Variants in GALNT3 observed in about 807,000 individuals in gnomAD.
GALNT3 encodes polypeptide N-acetylgalactosaminyltransferase 3.
Under a neutral mutation model 69.8 loss-of-function variants are expected in GALNT3, and 51 were observed. That is an observed-to-expected ratio of 0.73 (90% CI 0.58 to 0.92). The LOEUF (loss-of-function observed/expected upper bound fraction) is 0.92, where lower values mean the gene tolerates loss of function less well. Among genes scored for constraint, GALNT3 ranks in the 40% least tolerant of loss-of-function variants. The pLI, the probability that GALNT3 is intolerant of heterozygous loss-of-function variation, is 0.00. For missense variants in GALNT3, 711 were observed against 760.0 expected, an observed-to-expected ratio of 0.94 and a Z score of 0.76; for synonymous variants, 265 against 248.5, an observed-to-expected ratio of 1.07 and a Z score of -0.63.
rs1300823119 is a variant in GALNT3 at position 165,759,448 on chromosome 2, GAGA to G, written c.958_960del (p.Ser320del). On this transcript the variant is annotated inframe_deletion, in exon 5 of 11. Coordinates refer to ENST00000392701, the MANE Select transcript of GALNT3 (RefSeq NM_004482.4). ...CCACGGTTATGGTTACTTCCATAAGGAGAAGGTTTGTTGAATTCAAACGTGTTC... is the reference window on the plus strand; with the variant it reads ...CCACGGTTATGGTTACTTCCATAAGGAGGTTTGTTGAATTCAAACGTGTTC... 1.2e-5 allele frequency: 19 copies of G among 1,613,848 alleles called. No homozygotes were observed. Among genetic ancestry groups the G allele is most frequent in the African/African-American group, 1.3e-5 (1 of 74,902 alleles).
chr2:165,785,467 T>C (rs1456923910), intron 1 of GALNT3, among the ~76,000 whole-genome samples: 3 of 152,178 alleles, frequency 2.0e-5, no homozygotes, highest in Admixed American at 2.0e-4. Context: ...CATATACCTC[T>C]CCTAACTTTT....
At chr2:165,788,313 C>T (rs2105232420) in intron 1 of GALNT3, among the ~76,000 whole-genome samples, 2 of 133,168 alleles carry the variant, frequency 1.5e-5, no homozygotes, top group Non-Finnish European at 3.1e-5. Context: ...CAAGACATCA[C>T]CTCAAAAAAA....
chr2:165,749,255 G>A (rs113386331), intron 10 of GALNT3, among the ~76,000 whole-genome samples: 5 of 152,134 alleles, frequency 3.3e-5, no homozygotes, highest in African/African-American at 9.6e-5. Flanking sequence ...ACAATGTTCA[G>A]GTAAGAATTG....
chr2:165,760,447 G>A (rs1052065776), intron 4 of GALNT3, among the ~76,000 whole-genome samples: 2 of 152,140 alleles, frequency 1.3e-5, no homozygotes, highest in African/African-American at 4.8e-5. Flanking sequence ...GTCCTATTCT[G>A]GGCTCCCCAC....
chr2:165,770,004 T>G, intron 2 of GALNT3, 182 bp downstream of exon 2: 1 of 711,434 alleles, frequency 1.4e-6, no homozygotes, highest in Non-Finnish European at 2.4e-6. Flanking sequence ...TCACCAAGCA[T>G]AAATAGGGAT....
At chr2:165,780,404 T>C (rs932997720) in intron 1 of GALNT3, among the ~76,000 whole-genome samples, 1 of 152,200 alleles carries the variant, frequency 6.6e-6, no homozygotes, top group African/African-American at 2.4e-5. Flanking sequence ...ACTCTGACCA[T>C]AAAAACCATT....
chr2:165,794,165 C>A lies in GALNT3; in HGVS notation c.-259G>T, dbSNP rs1320419063. The stretch of plus-strand genomic sequence containing the variant: ...TAGAGCTCCTCCTCCGCCGCCGCCT[C>A]CTGCCTTCCCGCTGGGCCTCCCGCG... On this transcript the variant is annotated 5_prime_UTR_variant, in exon 1 of 11. Coordinates refer to ENST00000392701, the MANE Select transcript of GALNT3 (RefSeq NM_004482.4). The A allele has an allele frequency of 6.5e-6, 1 of 152,828 alleles. No homozygotes were observed. The highest frequency in any genetic ancestry group is 6.5e-5 in the Admixed American group (1 of 15,302). 9.5% of individuals were successfully genotyped at this position (152,828 alleles called of 1,614,324 possible).
At chr2:165,772,304 G>T (rs74269979) in intron 1 of GALNT3, among the ~76,000 whole-genome samples, 15,558 of 152,082 alleles carry the variant, frequency 0.1, 1,263 homozygotes, top group East Asian at 0.34. Flanking sequence ...AGCTACACAG[G>T]CTTGGAACAG....
At chr2:165,775,424 C>T (rs545929522) in intron 1 of GALNT3, among the ~76,000 whole-genome samples, 1 of 152,262 alleles carries the variant, frequency 6.6e-6, no homozygotes, top group East Asian at 1.9e-4. Context: ...GAGAACCTTA[C>T]AGAGGCAGAG....
rs1320685998 is a variant in GALNT3, at chr2:165,767,296, G to A, written c.516-2240C>T. On this transcript the variant is annotated intron_variant, in intron 2 of 10. Transcript: ENST00000392701. ...AAAAAAAAGAGGAAACCTATGATTT[G>A]TTATAAGCATTTTGAGGAGAAAGTG... 7.3e-5 allele frequency among the ~76,000 whole-genome samples: 11 copies of A among 151,548 alleles called. No individual in the cohort carries two copies. In the South Asian group the frequency reaches 2.3e-3, roughly 32 times the overall value.
chr2:165,765,664 A>G (rs951837724), intron 2 of GALNT3, among the ~76,000 whole-genome samples: 1 of 151,862 alleles, frequency 6.6e-6, no homozygotes, highest in Non-Finnish European at 1.5e-5. Flanking sequence ...AATTTTTGGT[A>G]TTTTTAGTAG....
At chr2:165,794,353 C>T (rs1402094864), upstream of GALNT3, 2 of 152,286 alleles carry the variant, frequency 1.3e-5, no homozygotes, top group African/African-American at 4.8e-5. Flanking sequence ...AACCTTGGAT[C>T]GCGCGCGCAG....
intron 1 of GALNT3, among the ~76,000 whole-genome samples, chr2:165,771,024 T>C (rs73972169): frequency 6.6e-6 from 1 of 152,300 alleles, no homozygotes; most frequent in African/African-American, 2.4e-5. Flanking sequence ...AATATTGATA[T>C]TCCTCTCCAT....
At chr2:165,761,852 T>C (rs1688554918) in intron 4 of GALNT3, 53 bp downstream of exon 4, 11 of 1,581,304 alleles carry the variant, frequency 7.0e-6, no homozygotes, top group Non-Finnish European at 9.6e-6. Flanking sequence ...CCTTTTAAAT[T>C]AGAGGGAGAG....
In GALNT3 at chr2:165,794,116, GCTGT is replaced by G. The variant is rs1171137223; in HGVS notation, c.-214_-211del. ...GGTGGCGGCGGCTGCGACTCCGGTT[GCTGT>G]CGCCACAGTTGCGGCTCAGTAGAGC... On this transcript the variant is annotated 5_prime_UTR_variant, in exon 1 of 11. Transcript: ENST00000392701. 1 of 152,522 alleles carries G rather than the reference GCTGT, an allele frequency of 6.6e-6. No individual in the cohort carries two copies. The highest frequency in any genetic ancestry group is 1.5e-5 in the Non-Finnish European group (1 of 68,292). The allele number at this position is 152,522 out of a possible 1,614,324, so 9.4% of individuals were successfully genotyped here.
At chr2:165,787,185 TG>T (rs1432362833) in intron 1 of GALNT3, among the ~76,000 whole-genome samples, 7 of 152,214 alleles carry the variant, frequency 4.6e-5, no homozygotes, top group Admixed American at 3.9e-4. Flanking sequence ...TTACAGTTAG[TG>T]ATGAAAAAGT....
intron 1 of GALNT3, among the ~76,000 whole-genome samples, chr2:165,772,865 T>C (rs963820080): frequency 6.6e-6 from 1 of 152,206 alleles, no homozygotes; most frequent in Non-Finnish European, 1.5e-5. Flanking sequence ...TAAAAACCCT[T>C]GTGCATCTTT....
At position 165,748,876 on chromosome 2, in the gene GALNT3, T is replaced by C; in HGVS notation, c.1807A>G (p.Lys603Glu). Residue 603 changes from lysine (K) to glutamate (E), a missense_variant, in exon 11 of 11, where the codon AAA (lysine) becomes GAA (glutamate). Coordinates refer to ENST00000392701, the MANE Select transcript of GALNT3 (RefSeq NM_004482.4). ...KDQLLYNPFL[K>E]MCLSANGEHP... is the part of the protein sequence containing the mutation. ...TCTCCATTTGCTGAAAGGCACATTT[T>C]TAAGAATGGATTGTATAGAAGTTGA... 1 of 1,610,902 alleles carries C rather than the reference T, an allele frequency of 6.2e-7. No homozygotes were observed. Among genetic ancestry groups the C allele is most frequent in the Non-Finnish European group, 8.5e-7 (1 of 1,177,884 alleles).
chr2:165,781,556 C>T (rs1683112276), intron 1 of GALNT3, among the ~76,000 whole-genome samples: 1 of 151,732 alleles, frequency 6.6e-6, no homozygotes, highest in Non-Finnish European at 1.5e-5. Flanking sequence ...CCAGATCCCA[C>T]CACTGCGTTC....
Sources: gnomAD v4.1 joint callset for allele counts (sites outside exome capture counted in the v4.1 genomes callset) on GRCh38, gnomAD v4.1.1 for gene constraint, MANE v1.5 for transcripts, NCBI Gene and HGNC (gene_info 2026-07-23, HGNC 2026-07-21) for gene names.